The following NRG4 variants were observed in gnomAD, a reference collection of about 807,000 sequenced individuals.
The protein encoded by NRG4 is neuregulin 4.
NRG4 carries 10 observed loss-of-function variants against 15.0 expected under a neutral mutation model. The observed-to-expected ratio is 0.67, with a 90% CI of 0.41 to 1.13. The LOEUF (loss-of-function observed/expected upper bound fraction) is 1.13, where lower values mean the gene tolerates loss of function less well. Among genes scored for constraint, NRG4 ranks in the 50% most tolerant of loss-of-function variants. NRG4 has a pLI of 0.00. For missense variants in NRG4, 139 were observed against 140.2 expected (o/e 0.99, Z 0.04); for synonymous variants, 41 against 50.1 (o/e 0.82, Z 0.77).
chr15:76,050,040 A>G (rs562807950), intron 4 of NRG4, among the ~76,000 whole-genome samples: 5 of 151,206 alleles, frequency 3.3e-5, no homozygotes, highest in African/African-American at 1.2e-4. Flanking sequence ...GTGCTCCTAA[A>G]ATAACTATCA....
upstream of NRG4, among the ~76,000 whole-genome samples, chr15:76,013,453 C>T (rs1001151757): frequency 1.3e-5 from 2 of 152,176 alleles, no homozygotes; most frequent in African/African-American, 4.8e-5. Flanking sequence ...CACCCACCAA[C>T]CTGTCATTTA....
chr15:75,953,080 CA>C (rs2032008630), intron 5 of NRG4, among the ~76,000 whole-genome samples: 1 of 152,114 alleles, frequency 6.6e-6, no homozygotes, highest in African/African-American at 2.4e-5. Context: ...AATCATAACT[CA>C]GAATCCATTG....
intron 3 of NRG4, among the ~76,000 whole-genome samples, chr15:75,978,504 A>C (rs1301552663): frequency 2.0e-5 from 3 of 152,242 alleles, no homozygotes; most frequent in Non-Finnish European, 4.4e-5. Context: ...GCTGCAATAA[A>C]CATGGGAGTA....
chr15:75,942,622 A>G lies in NRG4; in HGVS notation c.*1016T>C, dbSNP rs2141754514. 1 of 152,346 alleles carries G rather than the reference A, an allele frequency of 6.6e-6. No homozygotes were observed. Among genetic ancestry groups the G allele is most frequent in the African/African-American group, 2.4e-5 (1 of 41,572 alleles). 9.4% of individuals were successfully genotyped at this position (152,346 alleles called of 1,614,324 possible). A position where few individuals can be genotyped will look rare whatever the true frequency, so the allele number is the denominator to read the frequency against. On this transcript the variant is annotated 3_prime_UTR_variant, in exon 6 of 6. Transcript: ENST00000394907. ...AATTGGTGACACTAGTGACCCACTG[A>G]ATTCACAGCACTTACACTGGGCCAG... is the stretch of plus-strand genomic sequence containing the variant.
intron 3 of NRG4, among the ~76,000 whole-genome samples, chr15:75,982,303 C>T (rs2033637599): frequency 6.6e-6 from 1 of 152,006 alleles, no homozygotes; most frequent in Non-Finnish European, 1.5e-5. Flanking sequence ...GGGCCATACT[C>T]CAGAAATACA....
At chr15:75,971,116 C>T (rs545142065) in intron 3 of NRG4, 5 of 346,660 alleles carry the variant, frequency 1.4e-5, no homozygotes, top group Middle Eastern at 4.0e-4. Context: ...CCTGTGGATA[C>T]CGACTAGTTT....
rs2034744207 is a variant in NRG4 at position 76,009,855 on chromosome 15, C to T, written c.11-562G>A. On this transcript the variant is annotated intron_variant, in intron 2 of 5. Coordinates refer to ENST00000394907, the MANE Select transcript of NRG4 (RefSeq NM_138573.4). Reference sequence around the variant, plus strand: ...TTGATTTGCAAAGTGTTTTAGGTAACAGTTACTAACCATAAGGCATATCTA... The same window carrying T: ...TTGATTTGCAAAGTGTTTTAGGTAATAGTTACTAACCATAAGGCATATCTA... Among the ~76,000 whole-genome samples, 3 of 152,106 alleles carry T rather than the reference C, an allele frequency of 2.0e-5. No individual in the cohort carries two copies. In the South Asian group the frequency reaches 6.3e-4, roughly 32 times the overall value.
chr15:76,030,393 C>A (rs1443304983), intron 5 of NRG4, among the ~76,000 whole-genome samples: 1 of 152,068 alleles, frequency 6.6e-6, no homozygotes, highest in African/African-American at 2.4e-5. Context: ...GACACATAGA[C>A]CAATGGAACA....
chr15:75,945,722 GACTT>G (rs1290151997), intron 5 of NRG4: 2 of 152,078 alleles, frequency 1.3e-5, no homozygotes, highest in Non-Finnish European at 2.9e-5. Flanking sequence ...CAGGCTGACT[GACTT>G]TTTATTGTGA....
intron 3 of NRG4, among the ~76,000 whole-genome samples, chr15:75,999,760 G>T (rs777127046): frequency 2.7e-4 from 41 of 152,122 alleles, no homozygotes; most frequent in Non-Finnish European, 4.4e-5. Flanking sequence ...TAGAGACTTG[G>T]CACAGTGGCT....
At chr15:76,028,426 A>C (rs959994817) in intron 5 of NRG4, among the ~76,000 whole-genome samples, 1 of 152,160 alleles carries the variant, frequency 6.6e-6, no homozygotes, top group Non-Finnish European at 1.5e-5. Context: ...CAACCTACCA[A>C]GATGGAACCA....
chr15:75,956,114 C>T, intron 4 of NRG4, 103 bp from the exon 5 acceptor site: 1 of 673,560 alleles, frequency 1.5e-6, no homozygotes, highest in South Asian at 1.7e-5. Context: ...CCCTTCTTCC[C>T]CCTTTTTACA....
intron 5 of NRG4, among the ~76,000 whole-genome samples, chr15:75,953,016 T>C (rs1048544375): frequency 3.9e-5 from 6 of 152,204 alleles, no homozygotes; most frequent in African/African-American, 1.4e-4. Flanking sequence ...TTTTTGTTTT[T>C]AATGTTGATG....
chr15:76,052,509 G>A (rs1203668488), intron 3 of NRG4, among the ~76,000 whole-genome samples: 7 of 151,044 alleles, frequency 4.6e-5, no homozygotes, highest in Non-Finnish European at 1.0e-4. Context: ...GATTTTGTAA[G>A]GACAAGGAAT....
chr15:75,991,680 T>TA (rs2034024485), intron 3 of NRG4, among the ~76,000 whole-genome samples: 1 of 152,008 alleles, frequency 6.6e-6, no homozygotes, highest in Non-Finnish European at 1.5e-5. Flanking sequence ...AGAGGGATGT[T>TA]AAAATCTCCA....
chr15:76,059,862 C>A (rs1010570468), upstream of NRG4: 9 of 144,490 alleles, frequency 6.2e-5, no homozygotes, highest in Admixed American at 3.4e-4. Context: ...GCCGCCGGCG[C>A]GAGGCCTCGC....
At chr15:76,047,857 T>G (rs2035910065) in intron 4 of NRG4, among the ~76,000 whole-genome samples, 1 of 151,080 alleles carries the variant, frequency 6.6e-6, no homozygotes, top group South Asian at 2.1e-4. Context: ...TAATAATTCA[T>G]CAAGAATTAA....
chr15:76,020,743 G>A (rs1465062637), intron 5 of NRG4, among the ~76,000 whole-genome samples: 1 of 152,240 alleles, frequency 6.6e-6, no homozygotes, highest in Non-Finnish European at 1.5e-5. Context: ...GCCTAATCCA[G>A]AGCAAGGCCC....
intron 3 of NRG4, among the ~76,000 whole-genome samples, chr15:75,998,430 G>A (rs1313028158): frequency 6.6e-6 from 1 of 152,110 alleles, no homozygotes; most frequent in African/African-American, 2.4e-5. Flanking sequence ...TGAGGATATT[G>A]GGGGAGAAAG....
Sources: allele counts gnomAD v4.1 joint callset (sites outside exome capture counted in the v4.1 genomes callset), GRCh38; gene constraint gnomAD v4.1.1; transcripts MANE v1.5; gene names NCBI Gene and HGNC (gene_info 2026-07-23, HGNC 2026-07-21).